Variants in DNAH11 observed in about 807,000 individuals in gnomAD.
DNAH11 encodes axonemal beta dynein heavy chain 11.
A neutral mutation model predicts 526.0 loss-of-function variants in DNAH11; 442 were observed. That is an observed-to-expected ratio of 0.84 (90% CI 0.78 to 0.91). DNAH11 has a LOEUF of 0.91. Among genes scored for constraint, DNAH11 ranks in the 40% least tolerant of loss-of-function variants. The pLI is 0.00. For synonymous variants in DNAH11, 2,461 were observed against 1,935.9 expected, an observed-to-expected ratio of 1.27 and a Z score of -7.12; for missense variants, 6,989 against 5,448.7, an observed-to-expected ratio of 1.28 and a Z score of -8.90.
chr7:21,756,671 G>C (rs1697748641), intron 54 of DNAH11, among the ~76,000 whole-genome samples: 1 of 152,002 alleles, frequency 6.6e-6, no homozygotes, highest in African/African-American at 2.4e-5. Flanking sequence ...TTTCTTGATA[G>C]TGTGAGTTCT....
rs777735154 is a variant in DNAH11 at position 21,742,159 on chromosome 7, T to C, written c.8147T>C (p.Val2716Ala). Residue 2716 changes from valine (V) to alanine (A), a missense_variant, in exon 49 of 82, where the codon GTC (valine) becomes GCC (alanine). Transcript: ENST00000409508. ...YIFNLRDLSN[V>A]FQGILFASPE... ...TTTAATCTGAGAGATTTATCAAACG[T>C]CTTCCAGGTACCTTGACTGCTCTAT... 11 of 1,613,726 alleles carry C rather than the reference T, an allele frequency of 6.8e-6. No individual in the cohort carries two copies. Among genetic ancestry groups the C allele is most frequent in the Non-Finnish European group, 9.3e-6 (11 of 1,179,808 alleles).
chr7:21,599,894 C>T lies in DNAH11; in HGVS notation c.2775C>T (p.His925=), dbSNP rs1173313331. The change falls in exon 15 of 82, where the codon CAC becomes CAT. Residue 925 remains histidine, a synonymous_variant. Transcript: ENST00000409508. The part of the protein sequence containing the change: ...VVEGFFQAIM[H]DLDFFLKNTE... ...AAGGCTTTTTTCAGGCTATAATGCACGACTTAGACTTCTTTCTGAAGAATA... is the reference window on the plus strand; with the variant it reads ...AAGGCTTTTTTCAGGCTATAATGCATGACTTAGACTTCTTTCTGAAGAATA... 1.1e-5 allele frequency: 17 copies of T among 1,612,626 alleles called. No individual in the cohort carries two copies. The highest frequency in any genetic ancestry group is 4.5e-5 in the East Asian group (2 of 44,824).
rs1782132531 is a variant in DNAH11 at position 21,658,956 on chromosome 7, C to G, written c.5253C>G (p.Thr1751=). The G allele has an allele frequency of 6.2e-7, 1 of 1,610,648 alleles. No individual in the cohort carries two copies. Among genetic ancestry groups the G allele is most frequent in the African/African-American group, 1.3e-5 (1 of 74,748 alleles). ...TAACCAGCTCACAAATATGGTGGACCACAGATGTAGGAATAGCCTTCAGTA... is the reference window on the plus strand; with the variant it reads ...TAACCAGCTCACAAATATGGTGGACGACAGATGTAGGAATAGCCTTCAGTA... ...VALTSSQIWW[T]TDVGIAFSRL... The change falls in exon 30 of 82, where the codon ACC becomes ACG. Residue 1751 remains threonine, a synonymous_variant. Coordinates refer to ENST00000409508, the MANE Select transcript of DNAH11 (RefSeq NM_001277115.2).
intron 31 of DNAH11, among the ~76,000 whole-genome samples, chr7:21,683,322 T>G (rs1783218946): frequency 6.6e-6 from 1 of 152,194 alleles, no homozygotes; most frequent in Non-Finnish European, 1.5e-5. Flanking sequence ...TTATTTGATG[T>G]GATTAAAAAC....
At chr7:21,858,714 G>A (rs1201644332) in intron 68 of DNAH11, among the ~76,000 whole-genome samples, 2 of 152,206 alleles carry the variant, frequency 1.3e-5, no homozygotes, top group Admixed American at 6.5e-5. Context: ...TGGGGCTGGC[G>A]ATGGTGGTGG....
At chr7:21,596,670 C>G (rs1007608176) in intron 14 of DNAH11, among the ~76,000 whole-genome samples, 1 of 152,096 alleles carries the variant, frequency 6.6e-6, no homozygotes. Context: ...AAAGTATGGC[C>G]AAGACATGAC....
chr7:21,605,344 G>A (rs79156095), intron 18 of DNAH11, among the ~76,000 whole-genome samples: 4,385 of 152,320 alleles, frequency 0.029, 204 homozygotes, highest in African/African-American at 0.099. Flanking sequence ...GGAGATGACC[G>A]AGAGGAACAA....
In DNAH11 at chr7:21,866,542, T is replaced by C; in HGVS notation, c.11569T>C (p.Trp3857Arg). 1 of 1,613,704 alleles carries C rather than the reference T, an allele frequency of 6.2e-7. No homozygotes were observed. The highest frequency in any genetic ancestry group is 8.5e-7 in the Non-Finnish European group (1 of 1,179,806). ...VEGSAKQWRKWVESECPEKEK... is the reference protein window; with the variant it reads ...VEGSAKQWRKRVESECPEKEK... ...AGGATCTGCCAAGCAGTGGAGGAAG[T>C]GGGTAGAATCCGAGTGTCCAGAAAA... The change falls in exon 71 of 82, where the codon TGG becomes CGG. Residue 3857 changes from tryptophan to arginine, a missense_variant. Transcript: ENST00000409508.
intron 54 of DNAH11, among the ~76,000 whole-genome samples, chr7:21,759,923 C>G (rs1230892466): frequency 1.3e-5 from 2 of 152,176 alleles, no homozygotes; most frequent in African/African-American, 4.8e-5. Flanking sequence ...AAAGCAAGTT[C>G]CTGACATCCA....
rs1234804648 is a variant in DNAH11 at position 21,615,257 on chromosome 7, C to T, written c.3996C>T (p.Val1332=). The change falls in exon 21 of 82, where the codon GTC becomes GTT. Residue 1332 remains valine, a synonymous_variant. Coordinates refer to ENST00000409508, the MANE Select transcript of DNAH11 (RefSeq NM_001277115.2). ...AATTGCTCAAGGGACTGTGGGATGT[C>T]ATTATTTATGTTCGAGTAAGATGTG... ...EIKLLKGLWD[V]IIYVRRSIDN... 3.7e-6 allele frequency: 6 copies of T among 1,611,864 alleles called. No homozygotes were observed. Among genetic ancestry groups the T allele is most frequent in the South Asian group, 1.1e-5 (1 of 90,426 alleles).
At chr7:21,559,968 CTT>C (rs1374164535) in intron 4 of DNAH11, among the ~76,000 whole-genome samples, 176 bp downstream of exon 4, 4 of 152,150 alleles carry the variant, frequency 2.6e-5, no homozygotes, top group African/African-American at 9.7e-5. Context: ...TTTAAAGTAA[CTT>C]TGCCTTTCTG....
intron 79 of DNAH11, among the ~76,000 whole-genome samples, 189 bp from the exon 80 acceptor site, chr7:21,899,147 T>TCCAATGGGAAA (rs1784642813): frequency 1.3e-5 from 2 of 152,174 alleles, no homozygotes; most frequent in African/African-American, 4.8e-5. Context: ...TCATCAAGTC[T>TCCAATGGGAAA]CCAATGGGAA....
chr7:21,801,182 GC>G lies in DNAH11; in HGVS notation c.10073del (p.Ala3358GlufsTer12), dbSNP rs1300956481. Reference protein sequence around the residue: ...LSRLTASFEKATAEKVRCQEE... With the variant: ...LSRLTASFEKXTAEKVRCQEE... ...CAGACTCACGGCTTCATTTGAAAAA[GC>G]AACAGCTGAGAAAGTCCGGTGTCAA... On this transcript the variant is annotated frameshift_variant, in exon 62 of 82. Coordinates refer to ENST00000409508, the MANE Select transcript of DNAH11 (RefSeq NM_001277115.2). LOFTEE classifies it high-confidence loss of function. 8.1e-6 allele frequency: 13 copies of G among 1,612,708 alleles called. No individual in the cohort carries two copies. The highest frequency in any genetic ancestry group is 1.0e-5 in the Non-Finnish European group (12 of 1,179,344).
intron 30 of DNAH11, among the ~76,000 whole-genome samples, chr7:21,672,284 G>T (rs1194067232): frequency 3.9e-5 from 6 of 152,246 alleles, no homozygotes; most frequent in African/African-American, 1.4e-4. Flanking sequence ...AGGACTTCTA[G>T]CTCCAGACTA....
intron 18 of DNAH11, among the ~76,000 whole-genome samples, chr7:21,602,959 A>G (rs1785150886): frequency 6.6e-6 from 1 of 152,226 alleles, no homozygotes; most frequent in East Asian, 1.9e-4. Context: ...TTGTGCAACT[A>G]CCACCTCTAT....
intron 14 of DNAH11, among the ~76,000 whole-genome samples, chr7:21,598,575 G>GA (rs1157118926): frequency 1.4e-5 from 2 of 144,680 alleles, no homozygotes; most frequent in Non-Finnish European, 3.0e-5. Flanking sequence ...GCTTATCATA[G>GA]ATGGTATGCA....
At chr7:21,615,912 C>T (rs768297037) in intron 21 of DNAH11, among the ~76,000 whole-genome samples, 5 of 152,142 alleles carry the variant, frequency 3.3e-5, no homozygotes, top group Admixed American at 6.5e-5. Context: ...ATTTAATAAT[C>T]TACTTATCAA....
intron 2 of DNAH11, among the ~76,000 whole-genome samples, chr7:21,553,136 G>T (rs1197227347): frequency 7.6e-6 from 1 of 131,416 alleles, no homozygotes; most frequent in African/African-American, 3.4e-5. Flanking sequence ...ATTTGTAAGG[G>T]TGTGATTTTT....
chr7:21,608,080 C>G (rs1431229065), intron 20 of DNAH11, among the ~76,000 whole-genome samples: 1 of 150,118 alleles, frequency 6.7e-6, no homozygotes, highest in Non-Finnish European at 1.5e-5. Context: ...ACCACTATAC[C>G]CTTTCTCTTG....
Sources: allele counts gnomAD v4.1 joint callset (sites outside exome capture counted in the v4.1 genomes callset), GRCh38; gene constraint gnomAD v4.1.1; transcripts MANE v1.5; gene names NCBI Gene and HGNC (gene_info 2026-07-23, HGNC 2026-07-21).